Variants in WDR72 observed in about 807,000 individuals in gnomAD.
The protein encoded by WDR72 is WD repeat domain 72.
WDR72 carries 120 observed loss-of-function variants against 124.2 expected under a neutral mutation model. The observed-to-expected ratio is 0.97, with a 90% CI of 0.83 to 1.12. The LOEUF (loss-of-function observed/expected upper bound fraction) is 1.12, where lower values mean the gene tolerates loss of function less well. Among genes scored for constraint, WDR72 ranks in the 50% most tolerant of loss-of-function variants. The probability of loss-of-function intolerance (pLI) is 0.00; values close to 1 mark genes in which losing one functional copy is unlikely to be tolerated. For missense variants in WDR72, 1,387 were observed against 1,278.8 expected (o/e 1.08, Z -1.29); for synonymous variants, 452 against 441.7 (o/e 1.02, Z -0.29).
At chr15:53,683,700 G>A (rs2016483862) in intron 13 of WDR72, among the ~76,000 whole-genome samples, 1 of 151,870 alleles carries the variant, frequency 6.6e-6, no homozygotes, top group African/African-American at 2.4e-5. Context: ...ATAATTACTT[G>A]GGTAAGAACC....
At chr15:53,759,145 C>T (rs1250655957) in intron 1 of WDR72, among the ~76,000 whole-genome samples, 1 of 152,104 alleles carries the variant, frequency 6.6e-6, no homozygotes, top group Non-Finnish European at 1.5e-5. Flanking sequence ...GGTCGTTTTC[C>T]CTGCCCTTGA....
At chr15:53,549,027 G>A (rs1893613381) in intron 18 of WDR72, among the ~76,000 whole-genome samples, 1 of 152,174 alleles carries the variant, frequency 6.6e-6, no homozygotes, top group Non-Finnish European at 1.5e-5. Flanking sequence ...AAACATCTAG[G>A]TAGGAACTAT....
At chr15:53,737,955 A>G (rs941054685) in intron 1 of WDR72, among the ~76,000 whole-genome samples, 7 of 152,164 alleles carry the variant, frequency 4.6e-5, no homozygotes, top group African/African-American at 1.7e-4. Context: ...TTTAGGAAAC[A>G]TTATCTGACC....
At chr15:53,582,982 T>A (rs890567812) in intron 18 of WDR72, among the ~76,000 whole-genome samples, 4 of 151,946 alleles carry the variant, frequency 2.6e-5, no homozygotes, top group African/African-American at 9.7e-5. Context: ...AAGGCCCAAA[T>A]GTAGCTAGAG....
chr15:53,730,632 C>T (rs562005), intron 2 of WDR72, among the ~76,000 whole-genome samples: 36,518 of 151,874 alleles, frequency 0.24, 4,705 homozygotes, highest in African/African-American at 0.33. Context: ...CTCCCATGCC[C>T]GACTTCCTTC....
At chr15:53,753,542 C>A (rs61276631) in intron 1 of WDR72, among the ~76,000 whole-genome samples, 129 of 152,304 alleles carry the variant, frequency 8.5e-4, no homozygotes, top group African/African-American at 3.0e-3. Context: ...TCTGAAGGAA[C>A]CATAGCCTTT....
At chr15:53,558,422 AT>A (rs1450016684) in intron 18 of WDR72, among the ~76,000 whole-genome samples, 1 of 152,074 alleles carries the variant, frequency 6.6e-6, no homozygotes, top group African/African-American at 2.4e-5. Context: ...ATTCTGAAAA[AT>A]GTGCTCTAAA....
At chr15:53,557,778 TATA>T (rs1893985054) in intron 18 of WDR72, among the ~76,000 whole-genome samples, 1 of 152,092 alleles carries the variant, frequency 6.6e-6, no homozygotes, top group Non-Finnish European at 1.5e-5. Context: ...CTAAGGTTTC[TATA>T]ATAATATTAC....
intron 14 of WDR72, among the ~76,000 whole-genome samples, chr15:53,626,545 T>C (rs2014218460): frequency 1.3e-5 from 2 of 152,116 alleles, no homozygotes; most frequent in African/African-American, 4.8e-5. Flanking sequence ...AGCTGCAAGA[T>C]TTAACAGAGT....
At chr15:53,682,770 A>C (rs562177798) in intron 13 of WDR72, among the ~76,000 whole-genome samples, 33 of 151,956 alleles carry the variant, frequency 2.2e-4, no homozygotes, top group Middle Eastern at 6.8e-3. Context: ...AACAGTTCCA[A>C]CCTCCGCTTG....
chr15:53,686,819 C>G (rs1486900654), intron 13 of WDR72, among the ~76,000 whole-genome samples: 1 of 151,046 alleles, frequency 6.6e-6, no homozygotes, highest in South Asian at 2.1e-4. Flanking sequence ...AAGTAAAGCT[C>G]TCCTCAGCAA....
intron 1 of WDR72, among the ~76,000 whole-genome samples, chr15:53,751,478 A>G (rs967583530): frequency 6.6e-6 from 1 of 152,150 alleles, no homozygotes; most frequent in Admixed American, 6.6e-5. Flanking sequence ...CAGTATGCAC[A>G]TTGTTACTTT....
At chr15:53,633,423 A>C (rs1009745067) in intron 14 of WDR72, among the ~76,000 whole-genome samples, 3 of 152,180 alleles carry the variant, frequency 2.0e-5, no homozygotes, top group African/African-American at 7.2e-5. Flanking sequence ...GAGCCAATTA[A>C]ATCTTTTCTC....
intron 18 of WDR72, among the ~76,000 whole-genome samples, chr15:53,524,644 T>G (rs528380120): frequency 6.6e-6 from 1 of 152,260 alleles, no homozygotes; most frequent in Non-Finnish European, 1.5e-5. Context: ...GGTTTAAATA[T>G]TCCTTCTAGA....
Position 53,609,444 on chromosome 15 carries a change from G to T in WDR72, c.2952+69C>A. 2.3e-6 allele frequency: 3 copies of T among 1,319,910 alleles called. No homozygotes were observed. The South Asian group carries it at 3.6e-5, about 16-fold the overall frequency. 81.8% of individuals were successfully genotyped at this position (1,319,910 alleles called of 1,614,324 possible). A position where few individuals can be genotyped will look rare whatever the true frequency, so the allele number is the denominator to read the frequency against. On this transcript the variant is annotated intron_variant, in intron 17 of 19. Transcript: ENST00000360509. Reference sequence around the variant, plus strand: ...TAACTGCTTGTATTTTCAGATAGAGGGGGGTATCCATGAACCACAGCAGCA... The same window carrying T: ...TAACTGCTTGTATTTTCAGATAGAGTGGGGTATCCATGAACCACAGCAGCA...
intron 14 of WDR72, among the ~76,000 whole-genome samples, chr15:53,653,146 AG>A (rs2015300811): frequency 6.6e-6 from 1 of 152,216 alleles, no homozygotes; most frequent in Admixed American, 6.5e-5. Flanking sequence ...AATTCAAAAA[AG>A]GAAGCATTCT....
intron 13 of WDR72, among the ~76,000 whole-genome samples, chr15:53,672,041 A>G (rs1298187585): frequency 6.6e-6 from 1 of 152,060 alleles, no homozygotes; most frequent in Non-Finnish European, 1.5e-5. Context: ...TTGTTTCTAG[A>G]TCCTTCCTAA....
intron 13 of WDR72, chr15:53,684,607 C>G (rs889462228): frequency 1.3e-5 from 2 of 158,168 alleles, no homozygotes; most frequent in Non-Finnish European, 2.7e-5. Context: ...TGAGATCAAA[C>G]TGCAAGGCGG....
intron 17 of WDR72, among the ~76,000 whole-genome samples, chr15:53,600,232 G>C (rs2012982848): frequency 6.6e-6 from 1 of 152,084 alleles, no homozygotes; most frequent in South Asian, 2.1e-4. Context: ...ATAACTATCA[G>C]TACTTGAGTC....
Sources: gnomAD v4.1 joint callset for allele counts (sites outside exome capture counted in the v4.1 genomes callset) on GRCh38, gnomAD v4.1.1 for gene constraint, MANE v1.5 for transcripts, NCBI Gene and HGNC (gene_info 2026-07-23, HGNC 2026-07-21) for gene names.